The following CALB1 variants were observed in gnomAD, a reference collection of about 807,000 sequenced individuals.
CALB1 encodes calbindin 1.
CALB1 carries 16 observed loss-of-function variants against 46.7 expected under a neutral mutation model. The observed-to-expected ratio is 0.34, with a 90% CI of 0.23 to 0.52. The LOEUF is 0.52. Ranked by LOEUF, CALB1 falls within the 20% of genes least tolerant of loss-of-function variation. The pLI is 0.95. For synonymous variants in CALB1, 90 were observed against 112.8 expected (o/e 0.80, Z 1.28); for missense variants, 224 against 300.3 (o/e 0.75, Z 1.88).
At chr8:90,081,994 T>C in intron 2 of CALB1, 32 bp downstream of exon 2, 1 of 1,576,750 alleles carries the variant, frequency 6.3e-7, no homozygotes, top group Non-Finnish European at 8.7e-7. Flanking sequence ...GGGTTAAAAG[T>C]CTTTTTTTCT....
At chr8:90,076,781 A>G (rs1027656409) in intron 3 of CALB1, among the ~76,000 whole-genome samples, 3 of 152,032 alleles carry the variant, frequency 2.0e-5, no homozygotes, top group African/African-American at 7.2e-5. Context: ...TAGCGCTGAA[A>G]TAATAAGTCA....
rs79664980 is a variant in CALB1 at position 90,080,972 on chromosome 8, A to G, written c.156+1054T>C. Among the ~76,000 whole-genome samples, 12 of 152,248 alleles carry G rather than the reference A, an allele frequency of 7.9e-5. No homozygotes were observed. In the East Asian group the frequency reaches 2.3e-3, roughly 29 times the overall value. On this transcript the variant is annotated intron_variant, in intron 2 of 10. Transcript: ENST00000265431. ...AACGTAGTCAAAAAGGCCAAAGACC[A>G]TTAACGTGTAACTCATCCCAATTCA...
At chr8:90,081,035 A>G (rs1318358611) in intron 2 of CALB1, among the ~76,000 whole-genome samples, 1 of 152,086 alleles carries the variant, frequency 6.6e-6, no homozygotes, top group Non-Finnish European at 1.5e-5. Flanking sequence ...ATAAACCTCA[A>G]TAGAGTAGTA....
intron 9 of CALB1, chr8:90,060,955 C>T (rs1198198513): frequency 4.6e-6 from 2 of 438,988 alleles, no homozygotes; most frequent in Non-Finnish European, 8.3e-6. Flanking sequence ...ATGTAATTCA[C>T]TTAATGTTAA....
At chr8:90,077,908 T>G (rs2130250049) in intron 3 of CALB1, among the ~76,000 whole-genome samples, 1 of 152,226 alleles carries the variant, frequency 6.6e-6, no homozygotes, top group South Asian at 2.1e-4. Flanking sequence ...AAATAAGGAC[T>G]GTAAATATTT....
chr8:90,071,732 T>C (rs1805911), intron 3 of CALB1, among the ~76,000 whole-genome samples: 6,010 of 152,296 alleles, frequency 0.039, 294 homozygotes, highest in East Asian at 0.2. Flanking sequence ...TGGAGGGTTC[T>C]GCATGATATA....
chr8:90,078,494 G>C (rs777389526), intron 2 of CALB1, 47 bp from the exon 3 acceptor site: 1 of 1,084,644 alleles, frequency 9.2e-7, no homozygotes, highest in Non-Finnish European at 1.4e-6. Context: ...AAAAATACCA[G>C]TTATGCTTGT....
Position 90,063,088 on chromosome 8 carries a change from A to C in CALB1, c.600+12T>G, listed in dbSNP as rs13259315. On this transcript the variant is annotated intron_variant, in intron 9 of 10. Transcript: ENST00000265431. The stretch of plus-strand genomic sequence containing the variant: ...TCAATAAAAAAGAAAGGAAAAAGTA[A>C]CAAACTTTTACCTGATCATACAGCT... 1 of 1,587,836 alleles carries C rather than the reference A, an allele frequency of 6.3e-7. No homozygotes were observed. The highest frequency in any genetic ancestry group is 8.6e-7 in the Non-Finnish European group (1 of 1,163,984).
chr8:90,070,837 A>AGAGTGTGTGT (rs1554578974), intron 3 of CALB1, among the ~76,000 whole-genome samples: 1 of 121,624 alleles, frequency 8.2e-6, no homozygotes, highest in African/African-American at 3.0e-5. Context: ...GCATCATTGC[A>AGAGTGTGTGT]GTGTGTGTGT....
chr8:90,067,925 G>T (rs937260512), intron 5 of CALB1, among the ~76,000 whole-genome samples: 1 of 152,054 alleles, frequency 6.6e-6, no homozygotes, highest in Non-Finnish European at 1.5e-5. Flanking sequence ...CATATTTTCT[G>T]TGAGGATTAA....
chr8:90,062,837 A>T, intron 9 of CALB1: 1 of 322,084 alleles, frequency 3.1e-6, no homozygotes, highest in Non-Finnish European at 5.7e-6. Context: ...ATTCTGCATG[A>T]TGCCACTTGT....
In CALB1 at chr8:90,060,292, C is replaced by A. The variant is rs780113344; in HGVS notation, c.673-6G>T. On this transcript the variant is annotated splice_polypyrimidine_tract_variant and splice_region_variant and intron_variant, in intron 10 of 10. Transcript: ENST00000265431. ...ATATTATTAATATCCAGATCCTGTA[C>A]AGAATATAAATGGCATTGTAATCCA... 6.6e-7 allele frequency: 1 copy of A among 1,507,692 alleles called. No homozygotes were observed. Among genetic ancestry groups the A allele is most frequent in the Admixed American group, 1.7e-5 (1 of 59,860 alleles). 93.4% of individuals were successfully genotyped at this position (1,507,692 alleles called of 1,614,324 possible). A position where few individuals can be genotyped will look rare whatever the true frequency, so the allele number is the denominator to read the frequency against.
In CALB1 at chr8:90,059,480, T is replaced by A. The variant is rs1814255972; in HGVS notation, c.*693A>T. 1.3e-5 allele frequency: 2 copies of A among 152,486 alleles called. No individual in the cohort carries two copies. Among genetic ancestry groups the A allele is most frequent in the Non-Finnish European group, 2.9e-5 (2 of 68,036 alleles). The allele number at this position is 152,486 out of a possible 1,614,324, so 9.4% of individuals were successfully genotyped here. A position where few individuals can be genotyped will look rare whatever the true frequency, so the allele number is the denominator to read the frequency against. On this transcript the variant is annotated 3_prime_UTR_variant, in exon 11 of 11. Coordinates refer to ENST00000265431, the MANE Select transcript of CALB1 (RefSeq NM_004929.4). Reference sequence around the variant, plus strand: ...ATGAAAACAGTTTAGAAAATGGATTTAGGTCATATTCTCTGACAGTAAGTT... The same window carrying A: ...ATGAAAACAGTTTAGAAAATGGATTAAGGTCATATTCTCTGACAGTAAGTT...
chr8:90,082,406 T>A (rs1207364541), intron 1 of CALB1: 8 of 612,362 alleles, frequency 1.3e-5, no homozygotes, highest in Non-Finnish European at 2.3e-5. Context: ...GACAAAAGTT[T>A]AAGGTTTTGG....
At chr8:90,069,303 C>T (rs1814457252) in intron 3 of CALB1, 66 bp from the exon 4 acceptor site, 3 of 1,221,242 alleles carry the variant, frequency 2.5e-6, no homozygotes, top group South Asian at 1.2e-5. Flanking sequence ...CTGCCATTAC[C>T]TGCTGCTTAG....
intron 2 of CALB1, among the ~76,000 whole-genome samples, chr8:90,079,853 G>A (rs1006305615): frequency 1.3e-5 from 2 of 151,772 alleles, no homozygotes; most frequent in Non-Finnish European, 2.9e-5. Context: ...TTATTAATAC[G>A]AAAAGCCAAA....
Position 90,060,271 on chromosome 8 carries a change from T to G in CALB1, c.688A>C (p.Asn230His). 2 of 1,594,252 alleles carry G rather than the reference T, an allele frequency of 1.3e-6. No individual in the cohort carries two copies. Among genetic ancestry groups the G allele is most frequent in the Non-Finnish European group, 1.7e-6 (2 of 1,161,944 alleles). ...EKNKQDLDIN[N>H]ITTYKKNIMA... Reference sequence around the variant, plus strand: ...ATGTTCTTCTTGTATGTTGTAATATTATTAATATCCAGATCCTGTACAGAA... The same window carrying G: ...ATGTTCTTCTTGTATGTTGTAATATGATTAATATCCAGATCCTGTACAGAA... Residue 230 changes from asparagine to histidine, a missense_variant, in exon 11 of 11, where the codon AAT (asparagine) becomes CAT (histidine). Physicochemically the swap from Asn to His is moderately conservative, Grantham distance 68. Coordinates refer to ENST00000265431, the MANE Select transcript of CALB1 (RefSeq NM_004929.4).
chr8:90,063,818 T>A (rs1814344180), intron 6 of CALB1: 1 of 183,848 alleles, frequency 5.4e-6, no homozygotes, highest in Admixed American at 6.0e-5. Context: ...AAAATAAATA[T>A]TTATTTCACC....
intron 2 of CALB1, among the ~76,000 whole-genome samples, chr8:90,079,880 G>A (rs1814696502): frequency 6.6e-6 from 1 of 151,856 alleles, no homozygotes; most frequent in Non-Finnish European, 1.5e-5. Flanking sequence ...TTCCATTAAT[G>A]CAATGAAATC....
Sources: gnomAD v4.1 joint callset for allele counts (sites outside exome capture counted in the v4.1 genomes callset) on GRCh38, gnomAD v4.1.1 for gene constraint, MANE v1.5 for transcripts, NCBI Gene and HGNC (gene_info 2026-07-23, HGNC 2026-07-21) for gene names.